The following WLS variants were observed in gnomAD, a reference collection of about 807,000 sequenced individuals.
WLS encodes Wnt ligand secretion mediator.
A neutral mutation model predicts 62.8 loss-of-function variants in WLS; 23 were observed. The ratio of observed to expected loss-of-function variants is 0.37; its 90% CI spans 0.26 to 0.52. WLS has a LOEUF of 0.52. Among genes scored for constraint, WLS ranks in the 20% least tolerant of loss-of-function variants. The pLI is 0.92. For synonymous variants in WLS, 246 were observed against 244.1 expected, an observed-to-expected ratio of 1.01 and a Z score of -0.07; for missense variants, 615 against 697.3, an observed-to-expected ratio of 0.88 and a Z score of 1.33.
At position 68,174,213 on chromosome 1, in the gene WLS, G is replaced by A. The variant is rs564977316; in HGVS notation, c.380-14966C>T. Among the ~76,000 whole-genome samples, 6 of 152,090 alleles carry A rather than the reference G, an allele frequency of 3.9e-5. No individual in the cohort carries two copies. In the South Asian group the frequency reaches 8.3e-4, roughly 21 times the overall value. On this transcript the variant is annotated intron_variant, in intron 2 of 11. Coordinates refer to ENST00000262348, the MANE Select transcript of WLS (RefSeq NM_024911.7). ...GCCAGCCAGCTAAATGTCAGATCAC[G>A]GCACCCCAACATTCCCTCACTGCAT...
At chr1:68,198,150 C>G (rs1006556846) in intron 1 of WLS, among the ~76,000 whole-genome samples, 1 of 152,110 alleles carries the variant, frequency 6.6e-6, no homozygotes, top group African/African-American at 2.4e-5. Flanking sequence ...TAACTGAAAA[C>G]AAGTAGGCCA....
chr1:68,102,048 A>C (rs1646085759), intron 11 of WLS, among the ~76,000 whole-genome samples: 1 of 152,210 alleles, frequency 6.6e-6, no homozygotes, highest in Non-Finnish European at 1.5e-5. Context: ...CTGCACACAC[A>C]GGTGAAGGTG....
intron 10 of WLS, among the ~76,000 whole-genome samples, chr1:68,143,257 C>G (rs887358225): frequency 6.6e-6 from 1 of 152,186 alleles, no homozygotes; most frequent in Non-Finnish European, 1.5e-5. Flanking sequence ...AAGACACTAT[C>G]TACACTACTG....
At chr1:68,191,139 C>T (rs1172673231) in intron 2 of WLS, among the ~76,000 whole-genome samples, 1 of 151,752 alleles carries the variant, frequency 6.6e-6, no homozygotes, top group East Asian at 1.9e-4. Flanking sequence ...TTAATACAGT[C>T]AGTAGACAGT....
chr1:68,120,789 T>G (rs1175732895), downstream of WLS, among the ~76,000 whole-genome samples: 4 of 152,160 alleles, frequency 2.6e-5, no homozygotes, highest in East Asian at 7.7e-4. Context: ...CCAAAGGAGC[T>G]TTTTCTGGCC....
intron 1 of WLS, among the ~76,000 whole-genome samples, chr1:68,230,431 G>T (rs1348610257): frequency 6.6e-6 from 1 of 152,068 alleles, no homozygotes; most frequent in Non-Finnish European, 1.5e-5. Context: ...AATTGTAACC[G>T]CTGCATAATC....
intron 2 of WLS, among the ~76,000 whole-genome samples, chr1:68,174,887 T>C (rs1007674223): frequency 6.6e-6 from 1 of 152,208 alleles, no homozygotes; most frequent in African/African-American, 2.4e-5. Context: ...CCTCCTCCAC[T>C]ACTCCACATC....
chr1:68,134,043 C>T (rs1477284027), intron 11 of WLS, among the ~76,000 whole-genome samples: 1 of 152,156 alleles, frequency 6.6e-6, no homozygotes, highest in Non-Finnish European at 1.5e-5. Context: ...AACTTAAAGA[C>T]TTCCCATGAG....
chr1:68,142,724 T>G (rs1465508832), intron 10 of WLS: 1 of 152,160 alleles, frequency 6.6e-6, no homozygotes, highest in Non-Finnish European at 1.5e-5. Context: ...ATCAGTTTAT[T>G]TTTTCCACGT....
At chr1:68,125,305 C>G (rs1646412679), downstream of WLS, 2 of 984,320 alleles carry the variant, frequency 2.0e-6, no homozygotes, top group Non-Finnish European at 2.4e-6. Context: ...CCTATTTCCC[C>G]CATCAACTCC....
intron 2 of WLS, among the ~76,000 whole-genome samples, chr1:68,185,473 G>C (rs1006915482): frequency 6.6e-6 from 1 of 152,152 alleles, no homozygotes; most frequent in Non-Finnish European, 1.5e-5. Context: ...CATATAGTAG[G>C]GGGTAAGAGG....
intron 2 of WLS, among the ~76,000 whole-genome samples, chr1:68,164,641 T>G (rs1647035660): frequency 6.6e-6 from 1 of 152,138 alleles, no homozygotes; most frequent in South Asian, 2.1e-4. Flanking sequence ...GGGGATATTC[T>G]AGAAAAGTGA....
chr1:68,202,400 C>T (rs1415202505), intron 1 of WLS: 1 of 152,132 alleles, frequency 6.6e-6, no homozygotes, highest in Non-Finnish European at 1.5e-5. Flanking sequence ...AAAAACTGAC[C>T]CTTACCACCC....
chr1:68,136,185 C>G (rs749148370), intron 11 of WLS, among the ~76,000 whole-genome samples: 7 of 152,116 alleles, frequency 4.6e-5, no homozygotes, highest in Non-Finnish European at 7.4e-5. Flanking sequence ...TCCTGCTCCA[C>G]TTCATCTCAT....
chr1:68,150,974 G>A (rs1646818079), intron 5 of WLS, among the ~76,000 whole-genome samples: 1 of 152,198 alleles, frequency 6.6e-6, no homozygotes, highest in African/African-American at 2.4e-5. Context: ...CACAGATCAT[G>A]TACCAGGTAT....
Position 68,215,628 on chromosome 1 carries a change from AAAG to A in WLS, c.106+16563_106+16565del, listed in dbSNP as rs1487788136. Among the ~76,000 whole-genome samples, 10 of 152,210 alleles carry A rather than the reference AAAG, an allele frequency of 6.6e-5. No individual in the cohort carries two copies. In the East Asian group the frequency reaches 1.7e-3, roughly 26 times the overall value. On this transcript the variant is annotated intron_variant, in intron 1 of 11. Coordinates refer to ENST00000262348, the MANE Select transcript of WLS (RefSeq NM_024911.7). ...AGGATGTACATAAGAATTTAAATAC[AAAG>A]AAGATTTCTCCAGTATTGTTTATAA...
Position 68,150,266 on chromosome 1 carries a change from C to G in WLS, c.894G>C (p.Leu298=). 1.2e-6 allele frequency: 2 copies of G among 1,614,202 alleles called. No homozygotes were observed. Among genetic ancestry groups the G allele is most frequent in the Non-Finnish European group, 1.7e-6 (2 of 1,180,028 alleles). ...SIGFDWTWML[L]FGDIRQGIFY... ...AGATGCCCTGTCGGATGTCACCAAA[C>G]AGCAGCATCCAGGTCCAGTCAAACC... The change falls in exon 6 of 12, where the codon CTG becomes CTC. Residue 298 remains leucine, a synonymous_variant. Coordinates refer to ENST00000262348, the MANE Select transcript of WLS (RefSeq NM_024911.7).
At chr1:68,159,753 C>T (rs1053833289) in intron 2 of WLS, among the ~76,000 whole-genome samples, 6 of 152,202 alleles carry the variant, frequency 3.9e-5, no homozygotes, top group Admixed American at 1.3e-4. Context: ...TGTCTGAAAA[C>T]ATCCTTCTCA....
At chr1:68,127,054 G>A (rs528740337) in intron 11 of WLS, 120 of 393,358 alleles carry the variant, frequency 3.1e-4, no homozygotes, top group Non-Finnish European at 4.7e-4. Flanking sequence ...AATTACCTGC[G>A]TGCAGTAACT....
Sources: allele counts gnomAD v4.1 joint callset (sites outside exome capture counted in the v4.1 genomes callset), GRCh38; gene constraint gnomAD v4.1.1; transcripts MANE v1.5; gene names NCBI Gene and HGNC (gene_info 2026-07-23, HGNC 2026-07-21).